SPTLC3: variants seen among roughly 807,000 people sequenced by gnomAD.
SPTLC3 encodes serine palmitoyltransferase 3.
Under a neutral mutation model 59.3 loss-of-function variants are expected in SPTLC3, and 36 were observed. The observed-to-expected ratio is 0.61, with a 90% confidence interval of 0.47 to 0.80. The LOEUF is 0.80. Among genes scored for constraint, SPTLC3 ranks in the 30% least tolerant of loss-of-function variants. The pLI is 0.00. For synonymous variants in SPTLC3, 257 were observed against 240.8 expected, an observed-to-expected ratio of 1.07 and a Z score of -0.62; for missense variants, 625 against 685.1, an observed-to-expected ratio of 0.91 and a Z score of 0.98.
intron 9 of SPTLC3, among the ~76,000 whole-genome samples, chr20:13,144,347 A>G (rs1020609752): frequency 6.6e-6 from 1 of 152,248 alleles, no homozygotes; most frequent in Admixed American, 6.5e-5. Flanking sequence ...CACAACAGCC[A>G]CTTACAAATA....
At chr20:13,094,272 A>G (rs976786041) in intron 6 of SPTLC3, among the ~76,000 whole-genome samples, 3 of 152,060 alleles carry the variant, frequency 2.0e-5, no homozygotes, top group Non-Finnish European at 4.4e-5. Flanking sequence ...CATTTTCCTC[A>G]TCTGTAAAAT....
chr20:13,143,369 G>A (rs1438106672), intron 9 of SPTLC3, among the ~76,000 whole-genome samples: 1 of 152,062 alleles, frequency 6.6e-6, no homozygotes, highest in Non-Finnish European at 1.5e-5. Context: ...ATATTCTGTA[G>A]CACTCAAGTT....
intron 1 of SPTLC3, among the ~76,000 whole-genome samples, chr20:13,038,469 T>A (rs766248858): frequency 6.6e-6 from 1 of 152,162 alleles, no homozygotes; most frequent in South Asian, 2.1e-4. Flanking sequence ...TGTTGACATA[T>A]AATTATTCAT....
chr20:13,134,220 G>A (rs1317205103), intron 9 of SPTLC3, among the ~76,000 whole-genome samples: 1 of 152,172 alleles, frequency 6.6e-6, no homozygotes, highest in African/African-American at 2.4e-5. Context: ...TCTCAGTTAT[G>A]TCGTGATGCA....
At chr20:13,146,801 G>A (rs144857311) in intron 9 of SPTLC3, among the ~76,000 whole-genome samples, 57 of 152,260 alleles carry the variant, frequency 3.7e-4, no homozygotes, top group African/African-American at 1.2e-3. Context: ...GTATAACTCC[G>A]TGAATGATGG....
At position 13,027,907 on chromosome 20, in the gene SPTLC3, CTA is replaced by C. The variant is rs145272373; in HGVS notation, c.117+18525_117+18526del. The stretch of plus-strand genomic sequence containing the variant: ...ATTATTTACCTTTGTCATCACATCT[CTA>C]TGTTTTATATGATGTATATTTCTTA... On this transcript the variant is annotated intron_variant, in intron 1 of 11. Transcript: ENST00000399002. Among the ~76,000 whole-genome samples the C allele has an allele frequency of 8.5e-3, 1,296 of 152,276 alleles. 13 individuals carry two copies. The highest frequency in any genetic ancestry group is 0.028 in the African/African-American group (1,172 of 41,552).
At chr20:13,067,593 T>G (rs895639330) in intron 2 of SPTLC3, among the ~76,000 whole-genome samples, 7 of 152,170 alleles carry the variant, frequency 4.6e-5, no homozygotes, top group African/African-American at 1.7e-4. Context: ...CCATGGAACT[T>G]TTAGAAGAGT....
At chr20:13,108,464 C>T (rs1287828598) in intron 6 of SPTLC3, among the ~76,000 whole-genome samples, 3 of 152,232 alleles carry the variant, frequency 2.0e-5, no homozygotes, top group Admixed American at 6.5e-5. Context: ...AGACCAAGAA[C>T]TGCAGCTAAT....
chr20:13,119,341 A>T (rs922828185), intron 8 of SPTLC3, among the ~76,000 whole-genome samples: 3 of 152,178 alleles, frequency 2.0e-5, no homozygotes, highest in Admixed American at 6.5e-5. Flanking sequence ...TACCCACTTT[A>T]AACAAAGGCT....
chr20:13,121,941 G>A (rs963976435), intron 8 of SPTLC3, among the ~76,000 whole-genome samples: 1 of 152,222 alleles, frequency 6.6e-6, no homozygotes, highest in Non-Finnish European at 1.5e-5. Flanking sequence ...CTCAATCTGT[G>A]AATTAGGGTT....
chr20:13,131,697 T>G (rs1310621763), intron 9 of SPTLC3, among the ~76,000 whole-genome samples: 3 of 152,204 alleles, frequency 2.0e-5, no homozygotes. Flanking sequence ...CTCACCTGGA[T>G]TCCTGGAGTA....
At chr20:13,065,349 T>A (rs1299924504) in intron 2 of SPTLC3, among the ~76,000 whole-genome samples, 1 of 151,742 alleles carries the variant, frequency 6.6e-6, no homozygotes, top group Non-Finnish European at 1.5e-5. Flanking sequence ...TGGTGAATTT[T>A]TCCTTTTATT....
intron 9 of SPTLC3, among the ~76,000 whole-genome samples, chr20:13,129,547 A>G (rs1235598904): frequency 1.3e-5 from 2 of 152,256 alleles, no homozygotes; most frequent in East Asian, 3.8e-4. Flanking sequence ...TGTTTTAAAG[A>G]CAAGTGACTA....
chr20:13,103,872 T>C (rs1989724063), intron 6 of SPTLC3, among the ~76,000 whole-genome samples: 1 of 152,142 alleles, frequency 6.6e-6, no homozygotes, highest in African/African-American at 2.4e-5. Context: ...ATGTCTGGGT[T>C]TTTTCTTCCG....
At chr20:13,118,453 AAAAAAAC>A (rs1490941094) in intron 8 of SPTLC3, among the ~76,000 whole-genome samples, 14 of 150,586 alleles carry the variant, frequency 9.3e-5, no homozygotes, top group East Asian at 1.9e-4. Flanking sequence ...TTTGTGGAAA[AAAAAAAC>A]AAAAAAAAAC....
At chr20:13,014,770 T>C (rs1441628270) in intron 1 of SPTLC3, among the ~76,000 whole-genome samples, 1 of 146,316 alleles carries the variant, frequency 6.8e-6, no homozygotes, top group African/African-American at 2.5e-5. Context: ...GTACAACACA[T>C]CTCAAAGCTG....
intron 1 of SPTLC3, among the ~76,000 whole-genome samples, chr20:13,035,319 A>G (rs148590575): frequency 2.0e-5 from 3 of 152,324 alleles, no homozygotes; most frequent in South Asian, 4.1e-4. Flanking sequence ...AAATTTTACT[A>G]TAAGTTGTCC....
chr20:13,058,629 C>T (rs371415383), intron 2 of SPTLC3, among the ~76,000 whole-genome samples: 305 of 152,248 alleles, frequency 2.0e-3, no homozygotes, highest in Non-Finnish European at 3.6e-3. Context: ...GATTCTCATC[C>T]GCATACAAAA....
At chr20:13,082,177 T>C (rs1317836225) in intron 4 of SPTLC3, among the ~76,000 whole-genome samples, 10 of 152,168 alleles carry the variant, frequency 6.6e-5, no homozygotes, top group Non-Finnish European at 1.5e-5. Flanking sequence ...TTGAAACTCA[T>C]AGAATTTCAG....
Sources: allele counts gnomAD v4.1 joint callset (sites outside exome capture counted in the v4.1 genomes callset), GRCh38; gene constraint gnomAD v4.1.1; transcripts MANE v1.5; gene names NCBI Gene and HGNC (gene_info 2026-07-23, HGNC 2026-07-21).